CDHR3: variants seen among roughly 807,000 people sequenced by gnomAD.
The protein encoded by CDHR3 is cadherin related family member 3.
Under a neutral mutation model 86.6 loss-of-function variants are expected in CDHR3, and 79 were observed. That is an observed-to-expected ratio of 0.91 (90% CI 0.76 to 1.10). The LOEUF (loss-of-function observed/expected upper bound fraction) is 1.10. CDHR3 is among the 50% of genes least tolerant of loss of function. CDHR3 has a pLI of 0.00. For missense variants in CDHR3, 1,081 were observed against 1,077.6 expected, an observed-to-expected ratio of 1.00 and a Z score of -0.04; for synonymous variants, 421 against 402.4, an observed-to-expected ratio of 1.05 and a Z score of -0.55.
At chr7:106,019,576 A>G (rs1198663514) in intron 12 of CDHR3, among the ~76,000 whole-genome samples, 4 of 152,232 alleles carry the variant, frequency 2.6e-5, no homozygotes, top group Middle Eastern at 3.2e-3. Flanking sequence ...AGTCCCTTTC[A>G]GGGCTGACAT....
chr7:106,032,084 A>G (rs556993488), intron 18 of CDHR3, among the ~76,000 whole-genome samples: 5 of 152,380 alleles, frequency 3.3e-5, no homozygotes, highest in African/African-American at 1.2e-4. Flanking sequence ...CAAAGCTTGC[A>G]TGGAGTTCAA....
At position 106,012,237 on chromosome 7, in the gene CDHR3, G is replaced by A. The variant is rs76225008; in HGVS notation, c.1053-623G>A. Reference sequence around the variant, plus strand: ...GCAGAATAAATAAGAGAAATATATGGTGTACCAGATAATGATGTGTGCTAG... The same window carrying A: ...GCAGAATAAATAAGAGAAATATATGATGTACCAGATAATGATGTGTGCTAG... On this transcript the variant is annotated intron_variant, in intron 8 of 18. Coordinates refer to ENST00000317716, the MANE Select transcript of CDHR3 (RefSeq NM_152750.5). 6.3e-4 allele frequency among the ~76,000 whole-genome samples: 96 copies of A among 152,216 alleles called. 1 individual carries two copies. In the East Asian group the frequency reaches 0.018, roughly 28 times the overall value.
chr7:105,984,805 C>T (rs537310129), intron 4 of CDHR3, among the ~76,000 whole-genome samples: 11 of 152,186 alleles, frequency 7.2e-5, no homozygotes, highest in African/African-American at 1.2e-4. Flanking sequence ...CCAGATGCAG[C>T]GGCTCATGCC....
At chr7:106,008,223 A>C (rs1834238233) in intron 8 of CDHR3, among the ~76,000 whole-genome samples, 2 of 151,782 alleles carry the variant, frequency 1.3e-5, no homozygotes, top group African/African-American at 4.8e-5. Context: ...ATACCAACCA[A>C]CTCCCTTGCC....
rs887326153 is a variant in CDHR3 at position 105,996,270 on chromosome 7, T to G, written c.629T>G (p.Val210Gly). The G allele has an allele frequency of 8.2e-6, 13 of 1,591,896 alleles. No individual in the cohort carries two copies. Among genetic ancestry groups the G allele is most frequent in the Non-Finnish European group, 1.1e-5 (13 of 1,161,670 alleles). ...GHRSFHLIVE[V>G]RDSGGLKAST... is the part of the protein sequence containing the mutation. The stretch of plus-strand genomic sequence containing the variant: ...GGCAGTTTCCATCTCATCGTGGAGG[T>G]GAGGGACAGTGGAGGCCTCAAAGCC... Residue 210 changes from valine (V) to glycine (G), a missense_variant, in exon 6 of 19, where the codon GTG becomes GGG. By Grantham distance (109) the Val-to-Gly change is moderately radical (BLOSUM62 -3). Coordinates refer to ENST00000317716, the MANE Select transcript of CDHR3 (RefSeq NM_152750.5).
At position 106,030,678 on chromosome 7, in the gene CDHR3, G is replaced by A. The variant is rs945864510; in HGVS notation, c.2305-114G>A. 2.2e-5 allele frequency: 20 copies of A among 904,030 alleles called. No individual in the cohort carries two copies. The highest frequency in any genetic ancestry group is 3.2e-5 in the Non-Finnish European group (18 of 567,528). The allele number at this position is 904,030 out of a possible 1,614,324, so 56.0% of individuals were successfully genotyped here. ...GCATCTATCACAGTGCCTAATTAAA[G>A]ACTTAGAAGTCAAGAAGGCTTTGGT... On this transcript the variant is annotated intron_variant, in intron 17 of 18. Coordinates refer to ENST00000317716, the MANE Select transcript of CDHR3 (RefSeq NM_152750.5). This position sits in a 1 kb window ranked among gnomAD's most constrained non-coding sequence, Gnocchi z 4.8.
Position 106,030,857 on chromosome 7 carries a change from A to G in CDHR3, c.2353+17A>G. ...TAGATCCAGGTAATTAAGTGGCAAT[A>G]CCACTGTAAGAATGCTTTTTATATT... On this transcript the variant is annotated intron_variant, in intron 18 of 18. Coordinates refer to ENST00000317716, the MANE Select transcript of CDHR3 (RefSeq NM_152750.5). The surrounding 1 kb of genome is among the most constrained non-coding windows in gnomAD (Gnocchi z 4.8). The G allele has an allele frequency of 2.5e-6, 4 of 1,603,544 alleles. No homozygotes were observed. In the South Asian group the frequency reaches 3.4e-5, roughly 13 times the overall value.
At chr7:106,010,644 G>C (rs891589868) in intron 8 of CDHR3, among the ~76,000 whole-genome samples, 2 of 152,218 alleles carry the variant, frequency 1.3e-5, no homozygotes, top group African/African-American at 4.8e-5. Flanking sequence ...GATTTTATCT[G>C]CCATGAAAAG....
intron 12 of CDHR3, among the ~76,000 whole-genome samples, chr7:106,019,014 A>G (rs1172523174): frequency 6.6e-6 from 1 of 152,190 alleles, no homozygotes; most frequent in East Asian, 1.9e-4. Flanking sequence ...TGGATTATCC[A>G]AGGGCAACAT....
chr7:105,996,717 T>C (rs1355616445), intron 6 of CDHR3, among the ~76,000 whole-genome samples: 1 of 152,084 alleles, frequency 6.6e-6, no homozygotes, highest in Non-Finnish European at 1.5e-5. Context: ...GCATCATCAC[T>C]CACGACTCCC....
At chr7:106,009,749 G>A (rs1431302789) in intron 8 of CDHR3, among the ~76,000 whole-genome samples, 1 of 152,226 alleles carries the variant, frequency 6.6e-6, no homozygotes, top group Non-Finnish European at 1.5e-5. Flanking sequence ...AATGAGCCCA[G>A]GGCCCGACGG....
chr7:106,000,924 G>GAC (rs1563267916), intron 6 of CDHR3, among the ~76,000 whole-genome samples: 2 of 64,532 alleles, frequency 3.1e-5, no homozygotes, highest in Non-Finnish European at 8.0e-5. Context: ...AAAAGACAAG[G>GAC]AAGAAAAAAA....
rs1838611116 is a variant in CDHR3 at position 106,033,061 on chromosome 7, A to G, written c.*364A>G. 4.9e-6 allele frequency: 1 copy of G among 203,840 alleles called. No individual in the cohort carries two copies. Among genetic ancestry groups the G allele is most frequent in the African/African-American group, 2.3e-5 (1 of 43,634 alleles). 12.6% of individuals were successfully genotyped at this position (203,840 alleles called of 1,614,324 possible). A position where few individuals can be genotyped will look rare whatever the true frequency, so the allele number is the denominator to read the frequency against. On this transcript the variant is annotated 3_prime_UTR_variant, in exon 19 of 19. Coordinates refer to ENST00000317716, the MANE Select transcript of CDHR3 (RefSeq NM_152750.5). ...TAGGAATTCCTGACATAAATAGTGAAGACTATCCTTACATCTGGTTTCCAC... is the reference window on the plus strand; with the variant it reads ...TAGGAATTCCTGACATAAATAGTGAGGACTATCCTTACATCTGGTTTCCAC...
At chr7:106,011,664 T>C (rs1834827337) in intron 8 of CDHR3, among the ~76,000 whole-genome samples, 1 of 152,216 alleles carries the variant, frequency 6.6e-6, no homozygotes, top group Admixed American at 6.5e-5. Flanking sequence ...TAAAAACTAA[T>C]TGATATCATT....
chr7:106,008,940 G>T (rs976434580), intron 8 of CDHR3, among the ~76,000 whole-genome samples: 1 of 152,114 alleles, frequency 6.6e-6, no homozygotes, highest in African/African-American at 2.4e-5. Flanking sequence ...TCTCTTCAGT[G>T]CATATCTGTT....
chr7:106,006,793 A>C (rs151200550), intron 8 of CDHR3, among the ~76,000 whole-genome samples: 1 of 152,206 alleles, frequency 6.6e-6, no homozygotes, highest in East Asian at 1.9e-4. Context: ...TGGATTTACC[A>C]TTCTGGGGTC....
At chr7:106,025,322 C>G (rs1319874897) in intron 15 of CDHR3, among the ~76,000 whole-genome samples, 1 of 152,184 alleles carries the variant, frequency 6.6e-6, no homozygotes. Context: ...AGTCTTAGCT[C>G]TACCATTTTC....
Position 106,012,893 on chromosome 7 carries a change from G to A in CDHR3, c.1086G>A (p.Thr362=), listed in dbSNP as rs754837010. Reference sequence around the variant, plus strand: ...TGCCGGAAAGAACAGCCAAGGGGACGTTGCTTCTTGACCTAAACAAGTTCT... The same window carrying A: ...TGCCGGAAAGAACAGCCAAGGGGACATTGCTTCTTGACCTAAACAAGTTCT... The part of the protein sequence containing the change: ...IMVPERTAKG[T]LLLDLNKFCF... The change falls in exon 9 of 19, where the codon ACG becomes ACA. Residue 362 remains threonine (T), a synonymous_variant. Transcript: ENST00000317716. The A allele has an allele frequency of 1.9e-5, 31 of 1,611,338 alleles. No homozygotes were observed. Among genetic ancestry groups the A allele is most frequent in the Admixed American group, 8.4e-5 (5 of 59,346 alleles).
At chr7:105,974,029 A>G (rs1454843503) in intron 1 of CDHR3, among the ~76,000 whole-genome samples, 1 of 152,234 alleles carries the variant, frequency 6.6e-6, no homozygotes, top group Non-Finnish European at 1.5e-5. Flanking sequence ...TGTTCAACCC[A>G]CAACAGTAAT....
Sources: allele counts gnomAD v4.1 joint callset (sites outside exome capture counted in the v4.1 genomes callset), GRCh38; gene constraint gnomAD v4.1.1; non-coding constraint Gnocchi (gnomAD v3.1); transcripts MANE v1.5; gene names NCBI Gene and HGNC (gene_info 2026-07-23, HGNC 2026-07-21).